The following EVC2 variants were observed in gnomAD, a reference collection of about 807,000 sequenced individuals.
EVC2 encodes EvC ciliary complex subunit 2, also known as limbin.
A neutral mutation model predicts 149.3 loss-of-function variants in EVC2; 148 were observed. That is an observed-to-expected ratio of 0.99 (90% confidence interval 0.87 to 1.14). EVC2 has a LOEUF of 1.14. EVC2 is among the 50% of genes most tolerant of loss of function. The pLI, the probability that EVC2 is intolerant of heterozygous loss-of-function variation, is 0.00. For synonymous variants in EVC2, 776 were observed against 649.9 expected (o/e 1.19, Z -2.95); for missense variants, 1,854 against 1,627.3 (o/e 1.14, Z -2.40).
upstream of EVC2, chr4:5,708,626 G>C: frequency 6.7e-6 from 5 of 745,954 alleles, no homozygotes; most frequent in Non-Finnish European, 9.7e-6. Flanking sequence ...GCCGCCGAAA[G>C]TTTTCTGGAA....
At chr4:5,635,321 G>T (rs1716825870) in intron 10 of EVC2, among the ~76,000 whole-genome samples, 1 of 152,054 alleles carries the variant, frequency 6.6e-6, no homozygotes, top group Non-Finnish European at 1.5e-5. Flanking sequence ...ACCACACCTG[G>T]CCACAAATGT....
chr4:5,550,903 G>A (rs1300635378), intron 21 of EVC2, among the ~76,000 whole-genome samples: 1 of 152,264 alleles, frequency 6.6e-6, no homozygotes. Flanking sequence ...TGTGGCTTCA[G>A]AGGATGCAAG....
chr4:5,651,325 G>A (rs1335993177), intron 9 of EVC2, among the ~76,000 whole-genome samples: 1 of 152,046 alleles, frequency 6.6e-6, no homozygotes, highest in Non-Finnish European at 1.5e-5. Context: ...ATTGATAGAT[G>A]GGCAGATAGG....
In EVC2 at chr4:5,574,707, G is replaced by T. The variant is rs777368641; in HGVS notation, c.3338C>A (p.Thr1113Asn). The T allele has an allele frequency of 2.5e-6, 4 of 1,614,190 alleles. No homozygotes were observed. Among genetic ancestry groups the T allele is most frequent in the South Asian group, 1.1e-5 (1 of 91,080 alleles). The change falls in exon 19 of 22, where the codon ACC becomes AAC. Residue 1113 changes from threonine to asparagine, a missense_variant. Physicochemically the swap from Thr to Asn is moderately conservative, Grantham distance 65. Transcript: ENST00000344408. The stretch of plus-strand genomic sequence containing the variant: ...CACCTGGCTGCACAGGGTTGCAAAG[G>T]TGTCTGCCTCCATGTTTTCCAACAA... ...EDLLENMEAD[T>N]FATLCSQELR...
intron 9 of EVC2, among the ~76,000 whole-genome samples, chr4:5,653,413 T>G (rs1207863458): frequency 6.6e-6 from 1 of 152,168 alleles, no homozygotes; most frequent in Non-Finnish European, 1.5e-5. Context: ...AGCCAAGAAT[T>G]TGGGCCAGAT....
downstream of EVC2, among the ~76,000 whole-genome samples, chr4:5,540,697 G>GT (rs1721495386): frequency 6.6e-6 from 1 of 152,216 alleles, no homozygotes; most frequent in African/African-American, 2.4e-5. Flanking sequence ...GGGCCACAAG[G>GT]AAATTTTGGG....
chr4:5,568,131 A>G (rs1201894876), intron 20 of EVC2, among the ~76,000 whole-genome samples: 1 of 152,162 alleles, frequency 6.6e-6, no homozygotes, highest in Non-Finnish European at 1.5e-5. Flanking sequence ...AACCCAGCAG[A>G]GAAACACATT....
At position 5,637,491 on chromosome 4, in the gene EVC2, C is replaced by T. The variant is rs1716964687; in HGVS notation, c.1470+3023G>A. On this transcript the variant is annotated intron_variant, in intron 10 of 21. Transcript: ENST00000344408. This position sits in a 1 kb window ranked among gnomAD's most constrained non-coding sequence, Gnocchi z 4.4. The stretch of plus-strand genomic sequence containing the variant: ...TGTGCTTGGAACAATGCCAGACACA[C>T]CATGCATGCTAAGGAAGGATGAGCT... 6.6e-6 allele frequency among the ~76,000 whole-genome samples: 1 copy of T among 152,116 alleles called. No individual in the cohort carries two copies. Among genetic ancestry groups the T allele is most frequent in the South Asian group, 2.1e-4 (1 of 4,822 alleles).
At chr4:5,599,863 A>T (rs534198623) in intron 16 of EVC2, among the ~76,000 whole-genome samples, 1 of 152,324 alleles carries the variant, frequency 6.6e-6, no homozygotes, top group African/African-American at 2.4e-5. Flanking sequence ...CCTGTGGCAT[A>T]TTGTATCAGG....
chr4:5,620,159 G>A (rs1043545233), intron 14 of EVC2, among the ~76,000 whole-genome samples: 7 of 152,288 alleles, frequency 4.6e-5, no homozygotes, highest in South Asian at 2.1e-4. Flanking sequence ...GGGGCCCAAC[G>A]ATTTTTAAAG....
Position 5,657,178 on chromosome 4 carries a change from T to C in EVC2, c.1145+5929A>G, listed in dbSNP as rs1283942488. On this transcript the variant is annotated intron_variant, in intron 9 of 21. Transcript: ENST00000344408. This position sits in a 1 kb window ranked among gnomAD's most constrained non-coding sequence, Gnocchi z 4.7. ...GGCACTCCATGTTGCTCAGCAAGTC[T>C]GGGTTTCTCTAGTAAGCCACTTCCC... 2.0e-5 allele frequency among the ~76,000 whole-genome samples: 3 copies of C among 152,162 alleles called. No individual in the cohort carries two copies. Among genetic ancestry groups the C allele is most frequent in the Non-Finnish European group, 4.4e-5 (3 of 68,038 alleles).
At chr4:5,548,009 C>T (rs1007408808) in intron 21 of EVC2, among the ~76,000 whole-genome samples, 9 of 152,130 alleles carry the variant, frequency 5.9e-5, no homozygotes, top group African/African-American at 2.2e-4. Flanking sequence ...GCCACAGCCT[C>T]GCAGAGAGTC....
chr4:5,630,053 A>G (rs1409700597), intron 11 of EVC2, among the ~76,000 whole-genome samples: 1 of 152,232 alleles, frequency 6.6e-6, no homozygotes, highest in East Asian at 1.9e-4. Flanking sequence ...GAATCTGTGA[A>G]TATCTAAGTA....
intron 20 of EVC2, among the ~76,000 whole-genome samples, 187 bp downstream of exon 20, chr4:5,568,257 T>A (rs567967110): frequency 6.6e-6 from 1 of 152,180 alleles, no homozygotes; most frequent in South Asian, 2.1e-4. Flanking sequence ...TTTTCTTTAA[T>A]GGGCATGCAT....
intron 16 of EVC2, among the ~76,000 whole-genome samples, chr4:5,596,765 A>T (rs890981461): frequency 6.6e-6 from 1 of 152,174 alleles, no homozygotes; most frequent in African/African-American, 2.4e-5. Flanking sequence ...CCTTCAAAAA[A>T]TCAATGAATC....
At chr4:5,559,164 G>A (rs1031360957), downstream of EVC2, among the ~76,000 whole-genome samples, 1 of 152,078 alleles carries the variant, frequency 6.6e-6, no homozygotes, top group African/African-American at 2.4e-5. The surrounding 1 kb of genome is among the most constrained non-coding windows in gnomAD (Gnocchi z 5.0). Flanking sequence ...AACTGTGATT[G>A]TACACTGCAC....
At chr4:5,550,621 T>A (rs184983649) in intron 21 of EVC2, among the ~76,000 whole-genome samples, 41 of 152,342 alleles carry the variant, frequency 2.7e-4, no homozygotes, top group African/African-American at 9.4e-4. Context: ...GAAAATCCTA[T>A]CTTCTGTGGA....
chr4:5,547,840 G>A (rs1011246866), intron 21 of EVC2, among the ~76,000 whole-genome samples: 15 of 152,208 alleles, frequency 9.9e-5, no homozygotes, highest in Non-Finnish European at 1.9e-4. Context: ...GAGAAGAGAA[G>A]AGCTTCAGCC....
At chr4:5,638,249 C>T (rs1217603310) in intron 10 of EVC2, among the ~76,000 whole-genome samples, 2 of 151,964 alleles carry the variant, frequency 1.3e-5, no homozygotes, top group Admixed American at 6.6e-5. Flanking sequence ...ATTAGCCGGG[C>T]GTGGTGGCAA....
Sources: gnomAD v4.1 joint callset for allele counts (sites outside exome capture counted in the v4.1 genomes callset) on GRCh38, gnomAD v4.1.1 for gene constraint, Gnocchi (gnomAD v3.1) non-coding constraint, MANE v1.5 for transcripts, NCBI Gene and HGNC (gene_info 2026-07-23, HGNC 2026-07-21) for gene names.